SNX13: variants seen among roughly 807,000 people sequenced by gnomAD.
SNX13 encodes the protein sorting nexin-13.
In SNX13, 45 loss-of-function variants were observed where a neutral mutation model predicts 133.6. The observed-to-expected ratio is 0.34, with a 90% CI of 0.27 to 0.43. The LOEUF is 0.43. SNX13 is among the 20% of genes least tolerant of loss of function. The pLI is 1.00. For synonymous variants in SNX13, 414 were observed against 373.9 expected, an observed-to-expected ratio of 1.11 and a Z score of -1.24; for missense variants, 1,032 against 1,145.1, an observed-to-expected ratio of 0.90 and a Z score of 1.43.
At chr7:17,896,624 T>G (rs893968069) in intron 2 of SNX13, among the ~76,000 whole-genome samples, 2 of 152,172 alleles carry the variant, frequency 1.3e-5, no homozygotes, top group African/African-American at 4.8e-5. Flanking sequence ...TACGTCATAT[T>G]ATAAACATAC....
At chr7:17,922,224 T>C (rs1015325767) in intron 1 of SNX13, among the ~76,000 whole-genome samples, 2 of 152,198 alleles carry the variant, frequency 1.3e-5, no homozygotes, top group African/African-American at 4.8e-5. Context: ...CCTGTTCTAG[T>C]TGCGGCTAGC....
chr7:17,916,248 A>G (rs1220087776), intron 1 of SNX13, among the ~76,000 whole-genome samples: 1 of 152,154 alleles, frequency 6.6e-6, no homozygotes, highest in Non-Finnish European at 1.5e-5. Flanking sequence ...AACAAAAACA[A>G]ACTCCAAAAA....
At chr7:17,841,553 TACACACACAC>T (rs71553704) in intron 12 of SNX13, among the ~76,000 whole-genome samples, 5 of 142,970 alleles carry the variant, frequency 3.5e-5, no homozygotes, top group South Asian at 2.3e-4. Context: ...CAGTTATTCA[TACACACACAC>T]ACACACACAC....
intron 1 of SNX13, among the ~76,000 whole-genome samples, chr7:17,904,891 C>G (rs1477595814): frequency 6.6e-6 from 1 of 152,126 alleles, no homozygotes; most frequent in East Asian, 1.9e-4. Flanking sequence ...ATGTGGAACC[C>G]TGTCTCATTC....
In SNX13 at chr7:17,805,265, G is replaced by GCGCGCGCA. The variant is rs771908159; in HGVS notation, c.2065-1686_2065-1685insTGCGCGCG. ...TGTGTGTGTGTGCGTGCGCGCGCGC[G>GCGCGCGCA]CATGCATGCACATGTGTAATTCTAA... On this transcript the variant is annotated intron_variant, in intron 20 of 25. Transcript: ENST00000428135. 6.2e-3 allele frequency among the ~76,000 whole-genome samples: 903 copies of GCGCGCGCA among 146,016 alleles called. 18 individuals are homozygous for GCGCGCGCA. Among genetic ancestry groups the GCGCGCGCA allele is most frequent in the Admixed American group, 8.5e-3 (124 of 14,614 alleles).
chr7:17,914,430 T>C (rs558725087), intron 1 of SNX13, among the ~76,000 whole-genome samples: 2 of 152,066 alleles, frequency 1.3e-5, no homozygotes, highest in East Asian at 1.9e-4. Flanking sequence ...GCAAGACACA[T>C]AGTAATCAGA....
chr7:17,917,541 T>C (rs1312757506), intron 1 of SNX13, among the ~76,000 whole-genome samples: 1 of 151,806 alleles, frequency 6.6e-6, no homozygotes, highest in Non-Finnish European at 1.5e-5. Context: ...CACAATCCCA[T>C]TTGCAACAGC....
intron 20 of SNX13, among the ~76,000 whole-genome samples, chr7:17,811,730 T>G (rs1786048968): frequency 6.6e-6 from 1 of 152,222 alleles, no homozygotes; most frequent in Admixed American, 6.5e-5. Context: ...GGCATCATGC[T>G]ACCTGACTTC....
At chr7:17,886,573 G>C (rs1435297729) in intron 5 of SNX13, among the ~76,000 whole-genome samples, 1 of 151,720 alleles carries the variant, frequency 6.6e-6, no homozygotes, top group Non-Finnish European at 1.5e-5. Context: ...CTGGGTGACA[G>C]AGTGAGACTC....
At chr7:17,800,691 C>A (rs1479649083) in intron 22 of SNX13, among the ~76,000 whole-genome samples, 1 of 151,536 alleles carries the variant, frequency 6.6e-6, no homozygotes, top group Non-Finnish European at 1.5e-5. Context: ...TAAAGCACTC[C>A]TACTAATCAA....
rs560695994 is a variant in SNX13, at chr7:17,913,267, T to C, written c.13-15821A>G. Among the ~76,000 whole-genome samples, 3 of 152,278 alleles carry C rather than the reference T, an allele frequency of 2.0e-5. No individual in the cohort carries two copies. In the South Asian group the frequency reaches 6.2e-4, roughly 32 times the overall value. ...ATGAACTTGAAGAGGGGGTAATCTC[T>C]TAATCCCCACCACTCCCCAGTGCAC... is the stretch of plus-strand genomic sequence containing the variant. On this transcript the variant is annotated intron_variant, in intron 1 of 25. Coordinates refer to ENST00000428135, the MANE Select transcript of SNX13 (RefSeq NM_015132.5).
intron 20 of SNX13, among the ~76,000 whole-genome samples, chr7:17,811,487 GAAGT>G (rs1261700337): frequency 6.6e-6 from 1 of 152,172 alleles, no homozygotes; most frequent in African/African-American, 2.4e-5. Context: ...ACTGCTCAAG[GAAGT>G]AAGAGAGGAC....
At chr7:17,872,473 G>A (rs1040907862) in intron 8 of SNX13, among the ~76,000 whole-genome samples, 1 of 152,144 alleles carries the variant, frequency 6.6e-6, no homozygotes, top group African/African-American at 2.4e-5. Flanking sequence ...TTAAGTGGCA[G>A]ATATGAATCT....
At chr7:17,923,100 T>TACTC (rs1288272465) in intron 1 of SNX13, among the ~76,000 whole-genome samples, 30 of 152,206 alleles carry the variant, frequency 2.0e-4, no homozygotes, top group Non-Finnish European at 2.5e-4. Flanking sequence ...TCATTTAAAA[T>TACTC]ATTTAAGTGA....
chr7:17,881,183 T>C (rs570001326), intron 5 of SNX13: 8 of 152,038 alleles, frequency 5.3e-5, no homozygotes, highest in Admixed American at 6.6e-5. Context: ...GTAAGAATGG[T>C]AGAGTATACT....
At chr7:17,856,798 A>AG (rs1791945787) in intron 9 of SNX13, among the ~76,000 whole-genome samples, 1 of 150,596 alleles carries the variant, frequency 6.6e-6, no homozygotes, top group South Asian at 2.1e-4. Context: ...AAAAAAAAAA[A>AG]AAAAAGAAAG....
chr7:17,866,273 G>C (rs1183252069), intron 9 of SNX13, among the ~76,000 whole-genome samples: 1 of 148,678 alleles, frequency 6.7e-6, no homozygotes, highest in African/African-American at 2.5e-5. Flanking sequence ...GAATATATAA[G>C]GAACTCAAAC....
At chr7:17,903,584 A>G (rs556841832) in intron 1 of SNX13, among the ~76,000 whole-genome samples, 72 of 152,314 alleles carry the variant, frequency 4.7e-4, no homozygotes, top group Non-Finnish European at 9.1e-4. Context: ...ATGAGTTCAC[A>G]GTCCAAGGTC....
intron 15 of SNX13, chr7:17,830,260 T>C (rs774092447): frequency 5.3e-5 from 52 of 982,980 alleles, no homozygotes; most frequent in Non-Finnish European, 5.9e-5. Flanking sequence ...GACAATATAG[T>C]ATGTACCTGA....
Sources: allele counts gnomAD v4.1 joint callset (sites outside exome capture counted in the v4.1 genomes callset), GRCh38; gene constraint gnomAD v4.1.1; transcripts MANE v1.5; gene names NCBI Gene and HGNC (gene_info 2026-07-23, HGNC 2026-07-21).